The following NOL4L variants were observed in gnomAD, a reference collection of about 807,000 sequenced individuals.
The protein encoded by NOL4L is nucleolar protein 4 like.
NOL4L carries 7 observed loss-of-function variants against 64.5 expected under a neutral mutation model. The ratio of observed to expected loss-of-function variants is 0.11; its 90% CI spans 0.06 to 0.20. The LOEUF (loss-of-function observed/expected upper bound fraction) is 0.20. Ranked by LOEUF, NOL4L falls within the 10% of genes least tolerant of loss-of-function variation. The pLI is 1.00. For synonymous variants in NOL4L, 413 were observed against 401.0 expected (o/e 1.03, Z -0.36); for missense variants, 680 against 967.1 (o/e 0.70, Z 3.94).
chr20:32,559,197 G>A (rs1179191462), intron 1 of NOL4L, among the ~76,000 whole-genome samples: 1 of 152,138 alleles, frequency 6.6e-6, no homozygotes, highest in Non-Finnish European at 1.5e-5. Context: ...CTATCATGAA[G>A]GCAGGGGCCA....
At chr20:32,564,956 G>C (rs1979330272) in intron 1 of NOL4L, 1 of 152,374 alleles carries the variant, frequency 6.6e-6, no homozygotes, top group Non-Finnish European at 1.5e-5. Context: ...CCAGGGAGGA[G>C]GGGGCCCGCC....
Position 32,552,626 on chromosome 20 carries a change from G to A in NOL4L, c.322-24713C>T, listed in dbSNP as rs1978375911. Among the ~76,000 whole-genome samples, 4 of 152,076 alleles carry A rather than the reference G, an allele frequency of 2.6e-5. No individual in the cohort carries two copies. The South Asian group carries it at 8.3e-4, about 32-fold the overall frequency. On this transcript the variant is annotated intron_variant, in intron 1 of 10. Transcript: ENST00000621426. ...CACTTGAACCTGGGAGGCGGAGGTT[G>A]CAGTGAGCCAAGATCATGCCACTGC...
At chr20:32,512,649 A>G (rs1466867378) in intron 3 of NOL4L, among the ~76,000 whole-genome samples, 1 of 152,180 alleles carries the variant, frequency 6.6e-6, no homozygotes, top group Non-Finnish European at 1.5e-5. Context: ...TTTTTTACAC[A>G]TGATCTCATA....
At chr20:32,554,864 A>G (rs1459674594) in intron 1 of NOL4L, among the ~76,000 whole-genome samples, 7 of 152,192 alleles carry the variant, frequency 4.6e-5, no homozygotes, top group East Asian at 1.9e-4. Context: ...AGGAGCTGGC[A>G]TGGGGCAAGA....
chr20:32,564,576 A>G (rs897153470), intron 1 of NOL4L, among the ~76,000 whole-genome samples: 16 of 152,378 alleles, frequency 1.1e-4, no homozygotes, highest in Middle Eastern at 3.4e-3. Flanking sequence ...AGAAAGCTAC[A>G]GAATGGAAGA....
intron 5 of NOL4L, among the ~76,000 whole-genome samples, chr20:32,466,762 G>A (rs1427275852): frequency 2.0e-5 from 3 of 152,206 alleles, no homozygotes; most frequent in Non-Finnish European, 4.4e-5. Context: ...AGCAGGTGTT[G>A]GGGAGAAGGC....
intron 4 of NOL4L, among the ~76,000 whole-genome samples, chr20:32,478,242 T>TACACACACAC (rs553898145): frequency 0.012 from 1,692 of 145,048 alleles, 29 homozygotes; most frequent in African/African-American, 0.04. Context: ...AGGCTATATT[T>TACACACACAC]ACACACACAC....
chr20:32,493,567 T>C (rs974645834), intron 4 of NOL4L, among the ~76,000 whole-genome samples: 1 of 152,160 alleles, frequency 6.6e-6, no homozygotes. Flanking sequence ...AGCAGGGACT[T>C]GTTTTTGAAG....
intron 3 of NOL4L, among the ~76,000 whole-genome samples, chr20:32,518,387 C>A (rs1311106106): frequency 6.6e-6 from 1 of 152,240 alleles, no homozygotes; most frequent in Non-Finnish European, 1.5e-5. Context: ...TGGCAGCCAG[C>A]GAGGAGAGGA....
intron 2 of NOL4L, among the ~76,000 whole-genome samples, chr20:32,525,273 G>A (rs763126796): frequency 6.6e-6 from 1 of 152,204 alleles, no homozygotes; most frequent in Admixed American, 6.5e-5. Flanking sequence ...GCTGGACACC[G>A]AAGGGGCCAG....
At chr20:32,476,040 C>T (rs977494696) in intron 4 of NOL4L, among the ~76,000 whole-genome samples, 6 of 152,060 alleles carry the variant, frequency 3.9e-5, no homozygotes, top group Non-Finnish European at 5.9e-5. Context: ...CCCAGGGCCT[C>T]GGGGGATGGA....
intron 4 of NOL4L, among the ~76,000 whole-genome samples, chr20:32,485,058 C>CA (rs57444583): frequency 0.051 from 906 of 17,776 alleles, 74 homozygotes; most frequent in African/African-American, 0.066. Context: ...GGGAAATTGC[C>CA]AAAAAAAAAA....
At chr20:32,579,915 A>G (rs113231929) in intron 1 of NOL4L, among the ~76,000 whole-genome samples, 193 of 151,122 alleles carry the variant, frequency 1.3e-3, no homozygotes, top group African/African-American at 4.5e-3. Flanking sequence ...TCCCCACCCC[A>G]CACCCATCTT....
intron 1 of NOL4L, among the ~76,000 whole-genome samples, chr20:32,583,581 G>T (rs1320923310): frequency 1.3e-5 from 2 of 150,066 alleles, no homozygotes; most frequent in Non-Finnish European, 3.0e-5. Flanking sequence ...GCCGGGGGCG[G>T]AACGCACTAA....
chr20:32,472,351 A>C (rs912985496), intron 5 of NOL4L, among the ~76,000 whole-genome samples: 2 of 152,230 alleles, frequency 1.3e-5, no homozygotes, highest in Non-Finnish European at 2.9e-5. Flanking sequence ...GCCAGAGCCC[A>C]CACACCAAGC....
intron 2 of NOL4L, 94 bp downstream of exon 2, chr20:32,527,664 C>T (rs941609494): frequency 7.0e-7 from 1 of 1,429,268 alleles, no homozygotes; most frequent in Non-Finnish European, 9.3e-7. Context: ...GCCTCAGCTC[C>T]CTGCCCCGCC....
Position 32,575,973 on chromosome 20 carries a change from G to A in NOL4L, c.321+8597C>T, listed in dbSNP as rs556209776. 1.6e-4 allele frequency among the ~76,000 whole-genome samples: 24 copies of A among 152,314 alleles called. No individual in the cohort carries two copies. In the South Asian group the frequency reaches 5.0e-3, roughly 32 times the overall value. ...GGAAGGCCAGTGCAAGGGGCCTGGG[G>A]CAGGACTGTATTTGGCGTGTTTGGA... On this transcript the variant is annotated intron_variant, in intron 1 of 10. Coordinates refer to ENST00000621426, the MANE Select transcript of NOL4L (RefSeq NM_001256798.2).
At chr20:32,536,584 C>T (rs1480850304) in intron 1 of NOL4L, among the ~76,000 whole-genome samples, 2 of 147,638 alleles carry the variant, frequency 1.4e-5, no homozygotes, top group Non-Finnish European at 3.0e-5. Context: ...GGGCTGGGTT[C>T]GGAGGGCCTG....
At position 32,456,252 on chromosome 20, in the gene NOL4L, C is replaced by T. The variant is rs531118113; in HGVS notation, c.985G>A (p.Glu329Lys). 58 of 1,605,330 alleles carry T rather than the reference C, an allele frequency of 3.6e-5. No individual in the cohort carries two copies. The highest frequency in any genetic ancestry group is 4.7e-5 in the Non-Finnish European group (55 of 1,176,048). ...TCACACAGGTTGATGGGCTGATCCT[C>T]GGCGGCCGTGGTGAAGTCCATGGGG... ...VAPMDFTTAA[E>K]DQPINLCDKL... Residue 329 changes from glutamate (E) to lysine (K), a missense_variant, in exon 6 of 11, where the codon GAG (glutamate) becomes AAG (lysine). By Grantham distance (56) the Glu-to-Lys change is moderately conservative. Coordinates refer to ENST00000621426, the MANE Select transcript of NOL4L (RefSeq NM_001256798.2).
Sources: gnomAD v4.1 joint callset for allele counts (sites outside exome capture counted in the v4.1 genomes callset) on GRCh38, gnomAD v4.1.1 for gene constraint, MANE v1.5 for transcripts, NCBI Gene and HGNC (gene_info 2026-07-23, HGNC 2026-07-21) for gene names.